ERICH5: variants seen among roughly 807,000 people sequenced by gnomAD.
The protein encoded by ERICH5 is glutamate rich 5.
In ERICH5, 24 loss-of-function variants were observed where a neutral mutation model predicts 28.0. The ratio of observed to expected loss-of-function variants is 0.86; its 90% CI spans 0.62 to 1.21. The LOEUF (loss-of-function observed/expected upper bound fraction) is 1.21. Among genes scored for constraint, ERICH5 ranks in the 50% most tolerant of loss-of-function variants. ERICH5 has a pLI of 0.00. For missense variants in ERICH5, 421 were observed against 441.2 expected (o/e 0.95, Z 0.41); for synonymous variants, 163 against 157.6 (o/e 1.03, Z -0.25).
chr8:98,071,608 G>T (rs1246382850), intron 1 of ERICH5, among the ~76,000 whole-genome samples: 1 of 152,106 alleles, frequency 6.6e-6, no homozygotes, highest in Non-Finnish European at 1.5e-5. Context: ...CTCCTAAGGT[G>T]CTGGGATTAC....
At chr8:98,091,698 C>G (rs1430135356) in intron 2 of ERICH5, among the ~76,000 whole-genome samples, 1 of 152,198 alleles carries the variant, frequency 6.6e-6, no homozygotes, top group African/African-American at 2.4e-5. Context: ...AATGTCCAGA[C>G]TTGTTAGTGT....
At chr8:98,079,722 T>C (rs1815138960) in intron 1 of ERICH5, among the ~76,000 whole-genome samples, 1 of 152,152 alleles carries the variant, frequency 6.6e-6, no homozygotes, top group Admixed American at 6.6e-5. Flanking sequence ...GTATTTTTAG[T>C]AGAGACGGGG....
intron 1 of ERICH5, among the ~76,000 whole-genome samples, chr8:98,067,599 C>A (rs1025622744): frequency 4.0e-5 from 6 of 151,898 alleles, no homozygotes; most frequent in Non-Finnish European, 7.4e-5. Flanking sequence ...ACAATACAAT[C>A]AACAAATTAT....
intron 2 of ERICH5, among the ~76,000 whole-genome samples, chr8:98,092,557 A>T (rs867997333): frequency 1.3e-5 from 2 of 152,296 alleles, no homozygotes; most frequent in African/African-American, 4.8e-5. Context: ...CTCTTGCCTC[A>T]GCTTGCCAAA....
At chr8:98,071,795 G>A (rs183143456) in intron 1 of ERICH5, among the ~76,000 whole-genome samples, 216 of 152,098 alleles carry the variant, frequency 1.4e-3, no homozygotes, top group Admixed American at 3.1e-3. Context: ...AATTGCCTTC[G>A]GGCTCTCAAG....
chr8:98,073,484 A>ATG (rs1334225924), intron 1 of ERICH5, among the ~76,000 whole-genome samples: 1 of 2,704 alleles, frequency 3.7e-4, no homozygotes, highest in Non-Finnish European at 6.1e-4. Flanking sequence ...ATATATATAT[A>ATG]TGTATATATA....
At chr8:98,065,478 C>T (rs1209107451) in intron 1 of ERICH5, among the ~76,000 whole-genome samples, 3 of 152,162 alleles carry the variant, frequency 2.0e-5, no homozygotes, top group Non-Finnish European at 4.4e-5. Context: ...TGAGCATCTG[C>T]TATATAATAC....
At chr8:98,090,444 C>T (rs1017727921) in intron 2 of ERICH5, among the ~76,000 whole-genome samples, 6 of 151,932 alleles carry the variant, frequency 3.9e-5, no homozygotes, top group Non-Finnish European at 7.4e-5. Flanking sequence ...ATGTTATTTT[C>T]ATCTTTGTGA....
Position 98,093,368 on chromosome 8 carries a change from G to A in ERICH5, c.*35G>A, listed in dbSNP as rs1586210253. The A allele has an allele frequency of 3.4e-6, 5 of 1,461,294 alleles. No individual in the cohort carries two copies. In the East Asian group the frequency reaches 9.1e-5, roughly 27 times the overall value. 90.5% of individuals were successfully genotyped at this position (1,461,294 alleles called of 1,614,324 possible). On this transcript the variant is annotated 3_prime_UTR_variant, in exon 3 of 3. Coordinates refer to ENST00000318528, the MANE Select transcript of ERICH5 (RefSeq NM_173549.3). The stretch of plus-strand genomic sequence containing the variant: ...TGAACCGACACAGTGTGTTATCATA[G>A]AGGAGACAAAAATGGTAGTGAAGCT...
intron 1 of ERICH5, among the ~76,000 whole-genome samples, chr8:98,078,113 A>G (rs562236424): frequency 6.6e-6 from 1 of 152,298 alleles, no homozygotes; most frequent in South Asian, 2.1e-4. Flanking sequence ...CCCTGTTAGC[A>G]TCTACCAGCT....
chr8:98,077,319 A>G (rs1815075592), intron 1 of ERICH5, among the ~76,000 whole-genome samples: 1 of 152,160 alleles, frequency 6.6e-6, no homozygotes, highest in African/African-American at 2.4e-5. Flanking sequence ...GACAGACATC[A>G]TCTTCCTTCC....
chr8:98,090,113 C>G, intron 2 of ERICH5, 84 bp downstream of exon 2: 1 of 1,009,818 alleles, frequency 9.9e-7, no homozygotes, highest in Non-Finnish European at 1.4e-6. Flanking sequence ...GTGACTGACA[C>G]ACAGTCCCTG....
chr8:98,076,818 G>GAA (rs34007656), intron 1 of ERICH5, among the ~76,000 whole-genome samples: 10 of 150,618 alleles, frequency 6.6e-5, no homozygotes, highest in South Asian at 2.1e-4. Flanking sequence ...ATTCAGCATT[G>GAA]AAAAAAAAAA....
At chr8:98,074,070 T>G (rs1334800934) in intron 1 of ERICH5, among the ~76,000 whole-genome samples, 2 of 151,902 alleles carry the variant, frequency 1.3e-5, no homozygotes, top group Non-Finnish European at 2.9e-5. Context: ...AATTTTTTTT[T>G]GTTTTTTGGA....
chr8:98,083,783 G>A (rs765174692), intron 1 of ERICH5, among the ~76,000 whole-genome samples: 40 of 152,156 alleles, frequency 2.6e-4, no homozygotes, highest in Non-Finnish European at 4.9e-4. Flanking sequence ...TTTGCCACCA[G>A]GATGTAAAAT....
intron 1 of ERICH5, among the ~76,000 whole-genome samples, chr8:98,086,741 G>A (rs2130530306): frequency 6.6e-6 from 1 of 152,160 alleles, no homozygotes; most frequent in South Asian, 2.1e-4. Flanking sequence ...ACGAGGTCAT[G>A]AGATCGAGAC....
chr8:98,079,719 TA>T (rs1198944105), intron 1 of ERICH5, among the ~76,000 whole-genome samples: 1 of 152,158 alleles, frequency 6.6e-6, no homozygotes, highest in East Asian at 1.9e-4. Context: ...TTTGTATTTT[TA>T]GTAGAGACGG....
chr8:98,070,660 C>CAAAAAAAAAAAAAAAAAAAAAAAAAAAAA (rs769042472), intron 1 of ERICH5, among the ~76,000 whole-genome samples: 6 of 38,748 alleles, frequency 1.5e-4, no homozygotes, highest in African/African-American at 2.7e-4. Flanking sequence ...AACTGCATCT[C>CAAAAAAAAAAAAAAAAAAAAAAAAAAAAA]AAAAAAAAAA....
At chr8:98,091,897 T>TTTCTTTC (rs1554621694) in intron 2 of ERICH5, among the ~76,000 whole-genome samples, 1 of 45,462 alleles carries the variant, frequency 2.2e-5, no homozygotes, top group African/African-American at 7.1e-5. Flanking sequence ...TCTTTCTTTC[T>TTTCTTTC]TTCCTTTCTT....
Sources: allele counts gnomAD v4.1 joint callset (sites outside exome capture counted in the v4.1 genomes callset), GRCh38; gene constraint gnomAD v4.1.1; transcripts MANE v1.5; gene names NCBI Gene and HGNC (gene_info 2026-07-23, HGNC 2026-07-21).